The following NAPRT variants were observed in gnomAD, a reference collection of about 807,000 sequenced individuals.
NAPRT encodes nicotinate phosphoribosyltransferase.
In NAPRT, 66 loss-of-function variants were observed where a neutral mutation model predicts 60.7. The observed-to-expected ratio is 1.09, with a 90% CI of 0.89 to 1.33. The LOEUF (loss-of-function observed/expected upper bound fraction) is 1.33, where lower values mean the gene tolerates loss of function less well. Ranked by LOEUF, NAPRT falls within the 40% of genes most tolerant of loss-of-function variation. The probability of loss-of-function intolerance (pLI) is 0.00; values close to 1 mark genes in which losing one functional copy is unlikely to be tolerated. For missense variants in NAPRT, 818 were observed against 731.5 expected (o/e 1.12, Z -1.36); for synonymous variants, 405 against 335.7 (o/e 1.21, Z -2.26).
chr8:143,577,199 T>C lies in NAPRT; in HGVS notation c.569-22A>G, dbSNP rs764134703. 46 of 1,607,866 alleles carry C rather than the reference T, an allele frequency of 2.9e-5. No homozygotes were observed. In the South Asian group the frequency reaches 3.0e-4, roughly 10 times the overall value. ...AAGCCTGGGGAGGAAGGCGGTGGGA[T>C]TGGGGGACCTCGGGCCAAGATGGGG... On this transcript the variant is annotated intron_variant, in intron 4 of 12. Transcript: ENST00000449291.
Position 143,575,446 on chromosome 8 carries a change from G to C in NAPRT, c.1268C>G (p.Ala423Gly), listed in dbSNP as rs557170563. The change falls in exon 10 of 13, where the codon GCT becomes GGT. Residue 423 changes from alanine to glycine, a missense_variant. By Grantham distance (60) the Ala-to-Gly change is moderately conservative. Coordinates refer to ENST00000449291, the MANE Select transcript of NAPRT (RefSeq NM_145201.6). Reference sequence around the variant, plus strand: ...ACCGTCAGAGCCCAGGAGCCGGAAAGCAGCCTTGCTCCCAGGCAACGTCTG... The same window carrying C: ...ACCGTCAGAGCCCAGGAGCCGGAAACCAGCCTTGCTCCCAGGCAACGTCTG... ...EKQTLPGSKA[A>G]FRLLGSDGSP... is the part of the protein sequence containing the mutation. 6.3e-7 allele frequency: 1 copy of C among 1,591,580 alleles called. No individual in the cohort carries two copies. The highest frequency in any genetic ancestry group is 1.1e-5 in the South Asian group (1 of 90,676).
downstream of NAPRT, among the ~76,000 whole-genome samples, chr8:143,573,208 T>C (rs1023138950): frequency 6.6e-6 from 1 of 151,506 alleles, no homozygotes; most frequent in African/African-American, 2.4e-5. Flanking sequence ...GCACGCTGGC[T>C]CCGCCCCCTG....
At position 143,575,326 on chromosome 8, in the gene NAPRT, C is replaced by T. The variant is rs1163953235; in HGVS notation, c.1311G>A (p.Met437Ile). ...LGSDGSPLMDMLQLAEEPVPQ... is the reference protein window; with the variant it reads ...LGSDGSPLMDILQLAEEPVPQ... ...GCACTGGCTCTTCTGCTAACTGCAGCATGTCCATGAGTGGAGACCCTGTGT... is the reference window on the plus strand; with the variant it reads ...GCACTGGCTCTTCTGCTAACTGCAGTATGTCCATGAGTGGAGACCCTGTGT... The change falls in exon 11 of 13, where the codon ATG becomes ATA. Residue 437 changes from methionine to isoleucine, a missense_variant. Physicochemically the swap from Met to Ile is conservative, Grantham distance 10. Coordinates refer to ENST00000449291, the MANE Select transcript of NAPRT (RefSeq NM_145201.6). The T allele has an allele frequency of 9.9e-6, 16 of 1,612,752 alleles. No homozygotes were observed. Among genetic ancestry groups the T allele is most frequent in the African/African-American group, 1.3e-5 (1 of 75,008 alleles).
At position 143,577,183 on chromosome 8, in the gene NAPRT, G is replaced by T. The variant is rs1360839086; in HGVS notation, c.569-6C>A. The T allele has an allele frequency of 1.9e-6, 3 of 1,610,602 alleles. No individual in the cohort carries two copies. Among genetic ancestry groups the T allele is most frequent in the Admixed American group, 3.3e-5 (2 of 59,850 alleles). The stretch of plus-strand genomic sequence containing the variant: ...GTTGCTGCTGCTGTCGAAGCCTGGG[G>T]AGGAAGGCGGTGGGATTGGGGGACC... On this transcript the variant is annotated splice_region_variant and splice_polypyrimidine_tract_variant and intron_variant, in intron 4 of 12. Coordinates refer to ENST00000449291, the MANE Select transcript of NAPRT (RefSeq NM_145201.6).
intron 9 of NAPRT, 38 bp from the exon 10 acceptor site, chr8:143,575,563 C>A: frequency 6.3e-7 from 1 of 1,590,296 alleles, no homozygotes; most frequent in Non-Finnish European, 8.6e-7. Context: ...GGTCCTTATC[C>A]CCCACCCAGC....
rs1383455063 is a variant in NAPRT, at chr8:143,577,400, CTG to C, written c.438-3_438-2del. ...CCGCGCTGCGTTGGTGGCCACCAGGCTGTGGGGAGCCAAGAGTCAGGGGGTCC... is the reference window on the plus strand; with the variant it reads ...CCGCGCTGCGTTGGTGGCCACCAGGCTGGGGAGCCAAGAGTCAGGGGGTCC... On this transcript the variant is annotated splice_acceptor_variant and splice_polypyrimidine_tract_variant and intron_variant, in intron 3 of 12. Coordinates refer to ENST00000449291, the MANE Select transcript of NAPRT (RefSeq NM_145201.6). LOFTEE classifies it high-confidence loss of function. The C allele has an allele frequency of 3.7e-6, 6 of 1,605,502 alleles. No individual in the cohort carries two copies. The highest frequency in any genetic ancestry group is 4.2e-6 in the Non-Finnish European group (5 of 1,176,920).
chr8:143,577,712 G>A lies in NAPRT; in HGVS notation c.382C>T (p.Leu128Phe). The stretch of plus-strand genomic sequence containing the variant: ...GTCTCCAGCAGCTGCACCACCAGGA[G>A]CGGCCCGGACACCTGCAGGAGCGGC... ...GVPLLQVSGP[L>F]LVVQLLETPL... The change falls in exon 3 of 13, where the codon CTC becomes TTC. Residue 128 changes from leucine to phenylalanine, a missense_variant. Coordinates refer to ENST00000449291, the MANE Select transcript of NAPRT (RefSeq NM_145201.6). 2.6e-6 allele frequency: 4 copies of A among 1,545,720 alleles called. No homozygotes were observed. Among genetic ancestry groups the A allele is most frequent in the African/African-American group, 1.4e-5 (1 of 73,348 alleles).
In NAPRT at chr8:143,575,066, C is replaced by T; in HGVS notation, c.1474G>A (p.Glu492Lys). ...QLCEPLPSLA[E>K]SRALAQLSLS... ...GACAGCTGGGCCAAGGCTCTAGACT[C>T]TGCCAGGGATGGGAGCGGCTCACAC... The change falls in exon 12 of 13, where the codon GAG (glutamate) becomes AAG (lysine). Residue 492 changes from glutamate (E) to lysine (K), a missense_variant. Transcript: ENST00000449291. 3 of 1,508,916 alleles carry T rather than the reference C, an allele frequency of 2.0e-6. No individual in the cohort carries two copies. The highest frequency in any genetic ancestry group is 2.7e-6 in the Non-Finnish European group (3 of 1,123,696). 93.5% of individuals were successfully genotyped at this position (1,508,916 alleles called of 1,614,324 possible).
Position 143,576,543 on chromosome 8 carries a change from G to A in NAPRT, c.911C>T (p.Ala304Val), listed in dbSNP as rs527591878. Residue 304 changes from alanine (A) to valine (V), a missense_variant, in exon 7 of 13, where the codon GCC (alanine) becomes GTC (valine). Coordinates refer to ENST00000449291, the MANE Select transcript of NAPRT (RefSeq NM_145201.6). Reference protein sequence around the residue: ...RSGLPNFLAVALALGELGYRA... With the variant: ...RSGLPNFLAVVLALGELGYRA... Reference sequence around the variant, plus strand: ...GTAGCCCAGCTCTCCCAGGGCCAGGGCGACTGCTAGGAAGTTGGGGAGACC... The same window carrying A: ...GTAGCCCAGCTCTCCCAGGGCCAGGACGACTGCTAGGAAGTTGGGGAGACC... The A allele has an allele frequency of 6.2e-7, 1 of 1,611,808 alleles. No individual in the cohort carries two copies. The highest frequency in any genetic ancestry group is 1.1e-5 in the South Asian group (1 of 90,940).
At position 143,575,326 on chromosome 8, in the gene NAPRT, C is replaced by G. The variant is rs1163953235; in HGVS notation, c.1311G>C (p.Met437Ile). The change falls in exon 11 of 13, where the codon ATG becomes ATC. Residue 437 changes from methionine (M) to isoleucine (I), a missense_variant. Transcript: ENST00000449291. ...GCACTGGCTCTTCTGCTAACTGCAG[C>G]ATGTCCATGAGTGGAGACCCTGTGT... ...LGSDGSPLMD[M>I]LQLAEEPVPQ... 8 of 1,612,752 alleles carry G rather than the reference C, an allele frequency of 5.0e-6. No individual in the cohort carries two copies. Among genetic ancestry groups the G allele is most frequent in the Non-Finnish European group, 5.9e-6 (7 of 1,179,840 alleles).
chr8:143,576,335 C>G, intron 7 of NAPRT, 97 bp downstream of exon 7: 3 of 1,485,216 alleles, frequency 2.0e-6, no homozygotes, highest in Non-Finnish European at 2.7e-6. Flanking sequence ...GCAGTATCAC[C>G]GCTGAAACTT....
In NAPRT at chr8:143,576,747, C is replaced by A; in HGVS notation, c.780G>T (p.Gly260=). ...GCTCGCCTGGATGCGGCTCCTGCAC[C>A]CCCAGCCCCAGGTGGGCACACACCT... The part of the protein sequence containing the change: ...LEQVCAHLGL[G]VQEPHPGERA... Residue 260 remains glycine (G), a synonymous_variant, in exon 6 of 13, where the codon GGG becomes GGT. Coordinates refer to ENST00000449291, the MANE Select transcript of NAPRT (RefSeq NM_145201.6). The A allele has an allele frequency of 2.5e-6, 4 of 1,607,838 alleles. No individual in the cohort carries two copies. The highest frequency in any genetic ancestry group is 3.4e-6 in the Non-Finnish European group (4 of 1,178,748).
Position 143,576,842 on chromosome 8 carries a change from T to C in NAPRT, c.685A>G (p.Met229Val). Residue 229 changes from methionine to valine, a missense_variant and splice_region_variant, in exon 6 of 13, where the codon ATG (methionine) becomes GTG (valine). By Grantham distance (21) the Met-to-Val change is conservative. Transcript: ENST00000449291. ...CCCTCACCAGCTGCTGGCGCCAACA[T>C]CTGTGGAACAGAGTCGGTGAAGAAT... The part of the protein sequence containing the change: ...FSGSEVPPDP[M>V]LAPAAGEGPG... 2 of 1,596,322 alleles carry C rather than the reference T, an allele frequency of 1.3e-6. No individual in the cohort carries two copies. The highest frequency in any genetic ancestry group is 2.3e-5 in the East Asian group (1 of 44,436).
At chr8:143,576,348 G>C in intron 7 of NAPRT, 84 bp downstream of exon 7, 9 of 1,517,898 alleles carry the variant, frequency 5.9e-6, no homozygotes, top group Non-Finnish European at 8.0e-6. Context: ...TGAAACTTCA[G>C]CAGAGTACCT....
At chr8:143,577,593 A>G (rs1276089905) in intron 3 of NAPRT, 64 bp downstream of exon 3, 46 of 1,519,526 alleles carry the variant, frequency 3.0e-5, no homozygotes, top group Non-Finnish European at 4.1e-5. Flanking sequence ...ACAGTCCAGC[A>G]CGGAGCCCCG....
In NAPRT at chr8:143,578,135, C is replaced by T. The variant is rs1359373957; in HGVS notation, c.184G>A (p.Asp62Asn). 25 of 1,522,988 alleles carry T rather than the reference C, an allele frequency of 1.6e-5. No homozygotes were observed. Among genetic ancestry groups the T allele is most frequent in the Admixed American group, 4.3e-5 (2 of 46,832 alleles). 94.3% of individuals were successfully genotyped at this position (1,522,988 alleles called of 1,614,324 possible). ...GAFALAAGLR[D>N]CVRFLRAFRL... The stretch of plus-strand genomic sequence containing the variant: ...AAGGCGCGCAGGAAGCGCACACAGT[C>T]GCGCAAGCCGGCGGCCAAGGCGAAG... The change falls in exon 1 of 13, where the codon GAC becomes AAC. Residue 62 changes from aspartate (D) to asparagine (N), a missense_variant. Asp to Asn is a conservative substitution (Grantham distance 23). Coordinates refer to ENST00000449291, the MANE Select transcript of NAPRT (RefSeq NM_145201.6).
chr8:143,577,424 G>A (rs376059116), intron 3 of NAPRT, 25 bp from the exon 4 acceptor site: 14 of 1,595,152 alleles, frequency 8.8e-6, no homozygotes, highest in African/African-American at 1.3e-5. Context: ...GAGTCAGGGG[G>A]TCCCAGGGTG....
rs1199382711 is a variant in NAPRT at position 143,575,711 on chromosome 8, G to A, written c.1108-9C>T. On this transcript the variant is annotated splice_polypyrimidine_tract_variant and intron_variant, in intron 8 of 12. Transcript: ENST00000449291. ...ACATTCACCTCACTGCCCTGGGTGG[G>A]GAAGGGGGTGGCCGTGAGCCCAGCT... 2 of 1,561,970 alleles carry A rather than the reference G, an allele frequency of 1.3e-6. No homozygotes were observed. The highest frequency in any genetic ancestry group is 1.9e-5 in the Admixed American group (1 of 53,558).
At position 143,578,165 on chromosome 8, in the gene NAPRT, C is replaced by A. The variant is rs1481742093; in HGVS notation, c.154G>T (p.Gly52Cys). Residue 52 changes from glycine (G) to cysteine (C), a missense_variant, in exon 1 of 13, where the codon GGC (glycine) becomes TGC (cysteine). Transcript: ENST00000449291. Reference sequence around the variant, plus strand: ...AAGCCGGCGGCCAAGGCGAAGGCGCCGCCGAACGGGCAGCGGCGGAAGAAG... The same window carrying A: ...AAGCCGGCGGCCAAGGCGAAGGCGCAGCCGAACGGGCAGCGGCGGAAGAAG... ...ELFFRRCPFG[G>C]AFALAAGLRD... The A allele has an allele frequency of 6.6e-7, 1 of 1,517,064 alleles. No individual in the cohort carries two copies. The highest frequency in any genetic ancestry group is 2.2e-5 in the Admixed American group (1 of 46,086). The allele number at this position is 1,517,064 out of a possible 1,614,324, so 94.0% of individuals were successfully genotyped here.
Sources: gnomAD v4.1 joint callset for allele counts (sites outside exome capture counted in the v4.1 genomes callset) on GRCh38, gnomAD v4.1.1 for gene constraint, MANE v1.5 for transcripts, NCBI Gene and HGNC (gene_info 2026-07-23, HGNC 2026-07-21) for gene names.